Variants in CHST8 observed in about 807,000 individuals in gnomAD.
The protein encoded by CHST8 is carbohydrate sulfotransferase 8.
In CHST8, 10 loss-of-function variants were observed where a neutral mutation model predicts 15.0. The observed-to-expected ratio is 0.67, with a 90% confidence interval of 0.41 to 1.13. The LOEUF is 1.13. Among genes scored for constraint, CHST8 ranks in the 50% most tolerant of loss-of-function variants. The pLI is 0.00. For missense variants in CHST8, 634 were observed against 608.2 expected (o/e 1.04, Z -0.45); for synonymous variants, 259 against 256.6 (o/e 1.01, Z -0.09).
intron 1 of CHST8, among the ~76,000 whole-genome samples, chr19:33,662,291 T>A (rs1972598211): frequency 6.6e-6 from 1 of 152,130 alleles, no homozygotes; most frequent in South Asian, 2.1e-4. Flanking sequence ...TTGCCCAGGC[T>A]GGTCTCAAAC....
At chr19:33,762,858 TTC>T (rs201158309) in intron 3 of CHST8, among the ~76,000 whole-genome samples, 4 of 136,170 alleles carry the variant, frequency 2.9e-5, no homozygotes, top group African/African-American at 1.1e-4. Flanking sequence ...GCGCTCAGTT[TTC>T]TCTCTTTTTT....
At chr19:33,722,599 C>G (rs1973820661) in intron 3 of CHST8, among the ~76,000 whole-genome samples, 1 of 152,152 alleles carries the variant, frequency 6.6e-6, no homozygotes, top group African/African-American at 2.4e-5. Context: ...CCTCTTTGTT[C>G]CTTGGTTGCA....
intron 1 of CHST8, among the ~76,000 whole-genome samples, chr19:33,664,936 T>C (rs1972636535): frequency 6.6e-6 from 1 of 152,230 alleles, no homozygotes; most frequent in Admixed American, 6.5e-5. Context: ...ATTTCATTCT[T>C]TTTAATGGCT....
Position 33,772,426 on chromosome 19 carries a change from C to G in CHST8, c.638C>G (p.Ala213Gly), listed in dbSNP as rs1317816831. ...TGGAAGCGGGTGCTCATGGTGCTGG[C>G]CGGCCTGGCCTCGTCCACTGCCGAC... ...SNWKRVLMVLAGLASSTADIQ... is the reference protein window; with the variant it reads ...SNWKRVLMVLGGLASSTADIQ... Residue 213 changes from alanine to glycine, a missense_variant, in exon 5 of 5, where the codon GCC (alanine) becomes GGC (glycine). Transcript: ENST00000650847. 2 of 1,610,774 alleles carry G rather than the reference C, an allele frequency of 1.2e-6. No individual in the cohort carries two copies. Among genetic ancestry groups the G allele is most frequent in the Non-Finnish European group, 1.7e-6 (2 of 1,179,870 alleles).
chr19:33,682,830 T>G (rs1260064636), intron 2 of CHST8, among the ~76,000 whole-genome samples: 1 of 152,232 alleles, frequency 6.6e-6, no homozygotes, highest in Non-Finnish European at 1.5e-5. Context: ...TAGTCCACTT[T>G]TGTGTTGCTG....
intron 3 of CHST8, among the ~76,000 whole-genome samples, chr19:33,707,567 A>AT (rs1249954732): frequency 2.6e-5 from 4 of 152,046 alleles, no homozygotes; most frequent in African/African-American, 4.8e-5. Context: ...TGAGAGTCAT[A>AT]TTTTTTGATA....
At chr19:33,670,024 C>T (rs146381807) in intron 2 of CHST8, among the ~76,000 whole-genome samples, 96 of 152,222 alleles carry the variant, frequency 6.3e-4, no homozygotes, top group Non-Finnish European at 7.9e-4. Context: ...GGATTGTGTG[C>T]GTTTCTGTGT....
chr19:33,741,166 A>C (rs759943968), intron 3 of CHST8, among the ~76,000 whole-genome samples: 1 of 152,126 alleles, frequency 6.6e-6, no homozygotes, highest in Non-Finnish European at 1.5e-5. Flanking sequence ...GCTGTCAATC[A>C]TGCTCTGAGG....
chr19:33,743,249 C>T (rs1302898415), intron 3 of CHST8, among the ~76,000 whole-genome samples: 1 of 151,232 alleles, frequency 6.6e-6, no homozygotes, highest in Non-Finnish European at 1.5e-5. Flanking sequence ...GCATAACCAC[C>T]TTTGGGAGCC....
intron 3 of CHST8, among the ~76,000 whole-genome samples, chr19:33,765,705 G>T (rs1974826247): frequency 6.6e-6 from 1 of 152,008 alleles, no homozygotes; most frequent in Non-Finnish European, 1.5e-5. Context: ...GGGATTACAG[G>T]CACACACCAC....
intron 1 of CHST8, among the ~76,000 whole-genome samples, chr19:33,640,549 C>A (rs1333217414): frequency 6.6e-6 from 1 of 152,200 alleles, no homozygotes; most frequent in Non-Finnish European, 1.5e-5. Context: ...GCTTTGTCAG[C>A]TTTCTAAGGA....
intron 1 of CHST8, among the ~76,000 whole-genome samples, chr19:33,644,759 A>G (rs145700946): frequency 6.6e-4 from 100 of 152,258 alleles, no homozygotes; most frequent in Middle Eastern, 6.8e-3. Flanking sequence ...TAAAAAATAA[A>G]TGAATTATGT....
At chr19:33,769,144 A>G (rs1324853265) in intron 3 of CHST8, among the ~76,000 whole-genome samples, 2 of 152,202 alleles carry the variant, frequency 1.3e-5, no homozygotes, top group Non-Finnish European at 2.9e-5. Flanking sequence ...ATGGAACAGG[A>G]CCACAGCCCA....
chr19:33,689,518 A>G (rs1490262348), intron 3 of CHST8, 127 bp downstream of exon 3: 17 of 1,148,276 alleles, frequency 1.5e-5, no homozygotes, highest in Non-Finnish European at 2.0e-5. Context: ...GACCCCCGGC[A>G]GGCAGAGTCC....
chr19:33,681,835 G>A (rs1241122347), intron 2 of CHST8, among the ~76,000 whole-genome samples: 2 of 151,314 alleles, frequency 1.3e-5, no homozygotes, highest in African/African-American at 4.9e-5. Context: ...CAGATGCCTT[G>A]TTCAAGCTGC....
chr19:33,626,511 G>A (rs1972055288), intron 1 of CHST8, among the ~76,000 whole-genome samples: 2 of 152,206 alleles, frequency 1.3e-5, no homozygotes, highest in South Asian at 4.1e-4. Context: ...GGGCCTGGTG[G>A]GAGGTAGGTC....
intron 2 of CHST8, among the ~76,000 whole-genome samples, chr19:33,674,245 G>A (rs1372360603): frequency 1.3e-5 from 2 of 152,304 alleles, no homozygotes; most frequent in Admixed American, 6.5e-5. Flanking sequence ...ATCGCTGCTG[G>A]CCTGTGAAGG....
intron 3 of CHST8, among the ~76,000 whole-genome samples, chr19:33,740,540 C>T (rs1974165604): frequency 6.6e-6 from 1 of 152,206 alleles, no homozygotes. Flanking sequence ...CACCCTGAAA[C>T]AGACCCAGAC....
chr19:33,674,355 G>A lies in CHST8; in HGVS notation c.-87+6512G>A, dbSNP rs144325644. 2.8e-3 allele frequency among the ~76,000 whole-genome samples: 419 copies of A among 152,292 alleles called. 2 individuals are homozygous for A. Among genetic ancestry groups the A allele is most frequent in the African/African-American group, 8.5e-3 (352 of 41,558 alleles). ...TCTGCAGGAGCTGCCATCGGCATGG[G>A]GGAGGGGCTGGGTCCCACTCGTCTG... On this transcript the variant is annotated intron_variant, in intron 2 of 4. Transcript: ENST00000650847.
Sources: gnomAD v4.1 joint callset for allele counts (sites outside exome capture counted in the v4.1 genomes callset) on GRCh38, gnomAD v4.1.1 for gene constraint, MANE v1.5 for transcripts, NCBI Gene and HGNC (gene_info 2026-07-23, HGNC 2026-07-21) for gene names.